The following TMEM132D variants were observed in gnomAD, a reference collection of about 807,000 sequenced individuals.
TMEM132D encodes the protein transmembrane protein 132D.
In TMEM132D, 21 loss-of-function variants were observed where a neutral mutation model predicts 62.3. The ratio of observed to expected loss-of-function variants is 0.34; its 90% CI spans 0.24 to 0.49. The LOEUF is 0.49. TMEM132D is among the 20% of genes least tolerant of loss of function. The pLI is 0.99. For missense variants in TMEM132D, 1,346 were observed against 1,402.8 expected, an observed-to-expected ratio of 0.96 and a Z score of 0.65; for synonymous variants, 621 against 575.6, an observed-to-expected ratio of 1.08 and a Z score of -1.13.
At chr12:129,252,633 C>T (rs911234100) in intron 4 of TMEM132D, among the ~76,000 whole-genome samples, 2 of 152,112 alleles carry the variant, frequency 1.3e-5, no homozygotes, top group Admixed American at 6.5e-5. Context: ...GTCAGTGTGG[C>T]GATTCCTCAG....
At chr12:129,718,149 G>A (rs528257021) in intron 1 of TMEM132D, among the ~76,000 whole-genome samples, 1 of 152,212 alleles carries the variant, frequency 6.6e-6, no homozygotes, top group Admixed American at 6.5e-5. Flanking sequence ...TTCCCTTAAA[G>A]AGATTCAGAT....
At chr12:129,695,706 C>T (rs1881189607) in intron 2 of TMEM132D, among the ~76,000 whole-genome samples, 1 of 152,240 alleles carries the variant, frequency 6.6e-6, no homozygotes, top group Non-Finnish European at 1.5e-5. Flanking sequence ...ACCCCTGGCA[C>T]AGCCAGCTAG....
At chr12:129,381,820 T>C (rs1870963836) in intron 3 of TMEM132D, among the ~76,000 whole-genome samples, 1 of 152,190 alleles carries the variant, frequency 6.6e-6, no homozygotes, top group Non-Finnish European at 1.5e-5. Context: ...CTGCACCAAA[T>C]CACAGGAAAT....
rs547559372 is a variant in TMEM132D at position 129,366,116 on chromosome 12, TA to T, written c.1116-28300del. Reference sequence around the variant, plus strand: ...AATAAAATAATTAAAATTCTTAAAATAAAAAAAACACTCACCCGGATATTAT... The same window carrying T: ...AATAAAATAATTAAAATTCTTAAAATAAAAAAACACTCACCCGGATATTAT... On this transcript the variant is annotated intron_variant, in intron 3 of 8. Transcript: ENST00000422113. Among the ~76,000 whole-genome samples the T allele has an allele frequency of 3.7e-3, 567 of 151,762 alleles. 1 individual carries two copies. The highest frequency in any genetic ancestry group is 4.4e-3 in the Non-Finnish European group (297 of 67,834).
chr12:129,136,491 G>T (rs2135527853), intron 5 of TMEM132D, among the ~76,000 whole-genome samples: 1 of 152,290 alleles, frequency 6.6e-6, no homozygotes, highest in East Asian at 1.9e-4. Context: ...AGGCATTTTT[G>T]GGAAGAGTAC....
At chr12:129,757,496 A>T (rs1479494072) in intron 1 of TMEM132D, among the ~76,000 whole-genome samples, 1 of 152,100 alleles carries the variant, frequency 6.6e-6, no homozygotes, top group African/African-American at 2.4e-5. Flanking sequence ...CTTGCATCTC[A>T]CTGCCTACAC....
intron 5 of TMEM132D, chr12:129,085,360 G>C (rs538833260): frequency 6.6e-6 from 1 of 152,288 alleles, no homozygotes; most frequent in Non-Finnish European, 1.5e-5. Context: ...AGAGGGGCTC[G>C]ACGAGGCACA....
intron 1 of TMEM132D, among the ~76,000 whole-genome samples, chr12:129,708,147 G>A (rs1478161925): frequency 6.6e-6 from 1 of 152,120 alleles, no homozygotes; most frequent in African/African-American, 2.4e-5. Flanking sequence ...AACCCAGGAG[G>A]CAGAGGTTGC....
intron 3 of TMEM132D, among the ~76,000 whole-genome samples, chr12:129,450,073 C>T (rs922890414): frequency 7.2e-5 from 11 of 151,952 alleles, no homozygotes; most frequent in South Asian, 4.1e-4. Flanking sequence ...GTTTTTTTCT[C>T]GTAAATTTAA....
At chr12:129,128,551 A>G (rs1486046916) in intron 5 of TMEM132D, among the ~76,000 whole-genome samples, 3 of 152,164 alleles carry the variant, frequency 2.0e-5, no homozygotes, top group African/African-American at 7.2e-5. Context: ...ACCTCCCACC[A>G]GGTCCCTCCC....
intron 3 of TMEM132D, among the ~76,000 whole-genome samples, chr12:129,473,287 A>ATTAGCAGT (rs1161658833): frequency 2.7e-5 from 4 of 146,734 alleles, no homozygotes; most frequent in Non-Finnish European, 1.5e-5. Flanking sequence ...CTGAAGGCTC[A>ATTAGCAGT]TTAGCAGTTT....
chr12:129,437,064 A>G (rs1289233713), intron 3 of TMEM132D, among the ~76,000 whole-genome samples: 1 of 152,090 alleles, frequency 6.6e-6, no homozygotes, highest in Non-Finnish European at 1.5e-5. Context: ...TAAGTTGGGG[A>G]CATGTCTTCT....
chr12:129,702,893 C>T (rs1280578338), intron 1 of TMEM132D, among the ~76,000 whole-genome samples: 1 of 152,172 alleles, frequency 6.6e-6, no homozygotes, highest in East Asian at 1.9e-4. Context: ...ATTCACTGTC[C>T]TCTTGGCTTC....
intron 1 of TMEM132D, among the ~76,000 whole-genome samples, chr12:129,753,167 T>G (rs12370126): frequency 0.12 from 18,932 of 152,242 alleles, 1,292 homozygotes; most frequent in South Asian, 0.29. Flanking sequence ...AACCCGGGTT[T>G]ACTAGAACCA....
intron 4 of TMEM132D, among the ~76,000 whole-genome samples, chr12:129,223,584 C>T (rs1430113233): frequency 6.6e-6 from 1 of 152,120 alleles, no homozygotes. Flanking sequence ...ATATAAATGG[C>T]TGTTGTTGTA....
rs200258083 is a variant in TMEM132D, at chr12:129,146,950, G to C, written c.1444-62248C>G. 9.9e-5 allele frequency among the ~76,000 whole-genome samples: 15 copies of C among 152,212 alleles called. No individual in the cohort carries two copies. In the East Asian group the frequency reaches 2.9e-3, roughly 29 times the overall value. ...TGGCCAAAGGTCACACGGTGAACGC[G>C]TGGGCATTGCAAAGATTCAAACCTA... On this transcript the variant is annotated intron_variant, in intron 5 of 8. Transcript: ENST00000422113.
intron 1 of TMEM132D, among the ~76,000 whole-genome samples, chr12:129,895,887 T>C (rs1875096428): frequency 6.6e-6 from 1 of 151,688 alleles, no homozygotes; most frequent in African/African-American, 2.4e-5. Context: ...GGAAGATAGG[T>C]TCTTCCAAAT....
rs1049791403 is a variant in TMEM132D, at chr12:129,073,727, G to A, written c.*148C>T. 19 of 691,652 alleles carry A rather than the reference G, an allele frequency of 2.7e-5. No homozygotes were observed. The highest frequency in any genetic ancestry group is 3.0e-5 in the Non-Finnish European group (13 of 427,592). 42.8% of individuals were successfully genotyped at this position (691,652 alleles called of 1,614,324 possible). On this transcript the variant is annotated 3_prime_UTR_variant, in exon 9 of 9. Transcript: ENST00000422113. ...GATGCGGACTCCAGGCCTCGCCGCC[G>A]AGCCGGGGTCATTGGCTGAGGCTGT...
At chr12:129,581,717 C>T (rs533088298) in intron 2 of TMEM132D, among the ~76,000 whole-genome samples, 14 of 152,262 alleles carry the variant, frequency 9.2e-5, no homozygotes, top group Admixed American at 3.3e-4. Context: ...CCAGACTGAG[C>T]GTGGGTCTGC....
Sources: gnomAD v4.1 joint callset for allele counts (sites outside exome capture counted in the v4.1 genomes callset) on GRCh38, gnomAD v4.1.1 for gene constraint, MANE v1.5 for transcripts, NCBI Gene and HGNC (gene_info 2026-07-23, HGNC 2026-07-21) for gene names.